NAALADL2: variants seen among roughly 807,000 people sequenced by gnomAD.
The protein encoded by NAALADL2 is N-acetylated alpha-linked acidic dipeptidase like 2.
In NAALADL2, 76 loss-of-function variants were observed where a neutral mutation model predicts 87.2. That is an observed-to-expected ratio of 0.87 (90% CI 0.72 to 1.05). The LOEUF (loss-of-function observed/expected upper bound fraction) is 1.05. Among genes scored for constraint, NAALADL2 ranks in the 50% least tolerant of loss-of-function variants. The probability of loss-of-function intolerance (pLI) is 0.00; values close to 1 mark genes in which losing one functional copy is unlikely to be tolerated. For synonymous variants in NAALADL2, 354 were observed against 331.0 expected (o/e 1.07, Z -0.75); for missense variants, 1,089 against 945.8 (o/e 1.15, Z -1.99).
intron 2 of NAALADL2, among the ~76,000 whole-genome samples, chr3:174,565,943 G>C (rs1338157270): frequency 6.6e-6 from 1 of 151,726 alleles, no homozygotes; most frequent in Non-Finnish European, 1.5e-5. Flanking sequence ...TTTGACTATT[G>C]TTATTTGTCT....
intron 1 of NAALADL2, among the ~76,000 whole-genome samples, chr3:175,027,274 G>T (rs527554280): frequency 6.6e-6 from 1 of 152,158 alleles, no homozygotes; most frequent in African/African-American, 2.4e-5. Context: ...AACTGAAGTT[G>T]CACACCAGTA....
chr3:174,442,523 G>A (rs1423264216), intron 1 of NAALADL2, among the ~76,000 whole-genome samples: 3 of 152,034 alleles, frequency 2.0e-5, no homozygotes, highest in Non-Finnish European at 2.9e-5. Flanking sequence ...CTTTAATGTA[G>A]GACGACTAAC....
chr3:175,271,695 G>T (rs1250414102), intron 4 of NAALADL2, among the ~76,000 whole-genome samples: 1 of 152,196 alleles, frequency 6.6e-6, no homozygotes, highest in African/African-American at 2.4e-5. Context: ...AGGAGGCTGA[G>T]ACAGGGCAAT....
At chr3:175,656,850 G>A (rs1731536974) in intron 11 of NAALADL2, among the ~76,000 whole-genome samples, 1 of 152,086 alleles carries the variant, frequency 6.6e-6, no homozygotes, top group Non-Finnish European at 1.5e-5. Flanking sequence ...GATCAGGCCT[G>A]TAACCTGGCT....
chr3:175,728,363 A>C (rs1001106184), intron 11 of NAALADL2, among the ~76,000 whole-genome samples: 4 of 152,168 alleles, frequency 2.6e-5, no homozygotes, highest in African/African-American at 9.6e-5. Flanking sequence ...TATTTTGTGC[A>C]CTAATTGTGC....
chr3:174,942,200 T>A (rs112338769), intron 1 of NAALADL2, among the ~76,000 whole-genome samples: 14 of 152,316 alleles, frequency 9.2e-5, no homozygotes, highest in African/African-American at 3.1e-4. Context: ...ACTGCTTTTT[T>A]AAGGATCTTT....
chr3:175,597,927 T>C lies in NAALADL2; in HGVS notation c.1800+21740T>C, dbSNP rs546632042. Among the ~76,000 whole-genome samples, 13 of 152,178 alleles carry C rather than the reference T, an allele frequency of 8.5e-5. No individual in the cohort carries two copies. In the South Asian group the frequency reaches 2.7e-3, roughly 32 times the overall value. On this transcript the variant is annotated intron_variant, in intron 10 of 13. Transcript: ENST00000454872. ...TTATGATATTTTCTCTGAAGAGCCATACTCTTAAAGAATATGAACATTATC... is the reference window on the plus strand; with the variant it reads ...TTATGATATTTTCTCTGAAGAGCCACACTCTTAAAGAATATGAACATTATC...
At chr3:175,105,476 A>G (rs1722937821) in intron 2 of NAALADL2, among the ~76,000 whole-genome samples, 1 of 147,062 alleles carries the variant, frequency 6.8e-6, no homozygotes, top group Non-Finnish European at 1.5e-5. Context: ...CATATATATA[A>G]ATGGCTATGT....
intron 5 of NAALADL2, among the ~76,000 whole-genome samples, chr3:175,446,806 T>C (rs1037375864): frequency 5.3e-5 from 8 of 152,180 alleles, no homozygotes; most frequent in African/African-American, 1.9e-4. Context: ...CAAACAGCAT[T>C]CTCAGCTTCC....
chr3:175,461,137 C>A (rs1459681718), intron 6 of NAALADL2, among the ~76,000 whole-genome samples: 1 of 151,826 alleles, frequency 6.6e-6, no homozygotes, highest in Non-Finnish European at 1.5e-5. Context: ...CATTTACAAT[C>A]CTTTAGCTAG....
chr3:175,164,269 A>G (rs1580754341), intron 2 of NAALADL2, among the ~76,000 whole-genome samples: 2 of 151,932 alleles, frequency 1.3e-5, no homozygotes, highest in African/African-American at 4.8e-5. Context: ...GTAAATATGT[A>G]TATATGTGTA....
rs139347428 is a variant in NAALADL2 at position 174,532,649 on chromosome 3, CCT to C, written c.-183-17919_-183-17918del. ...CACTGAAGGAAAATTCGGTTGAGCC[CCT>C]GTTTCACTACCTGATCTATTCTGGA... On this transcript the variant is annotated intron_variant, in intron 1 of 3. Transcript: ENST00000434257. Among the ~76,000 whole-genome samples the C allele has an allele frequency of 3.3e-3, 501 of 152,160 alleles. 2 individuals are homozygous for C. Among genetic ancestry groups the C allele is most frequent in the African/African-American group, 0.011 (459 of 41,508 alleles).
intron 2 of NAALADL2, among the ~76,000 whole-genome samples, chr3:175,108,169 C>G (rs1006205467): frequency 8.3e-6 from 1 of 120,598 alleles, no homozygotes; most frequent in Non-Finnish European, 1.8e-5. Context: ...CCAAATGAGC[C>G]TTATATACAC....
chr3:174,754,437 T>A (rs1300888600), intron 3 of NAALADL2, among the ~76,000 whole-genome samples: 1 of 151,652 alleles, frequency 6.6e-6, no homozygotes, highest in Non-Finnish European at 1.5e-5. Flanking sequence ...GGAAAGTATA[T>A]TTCCACGTAT....
At chr3:175,717,912 A>T (rs1270818923) in intron 11 of NAALADL2, among the ~76,000 whole-genome samples, 1 of 150,008 alleles carries the variant, frequency 6.7e-6, no homozygotes, top group Non-Finnish European at 1.5e-5. Flanking sequence ...CGGGCTCAAG[A>T]GATTCTGTTG....
At chr3:174,460,551 A>G (rs1716150544) in intron 1 of NAALADL2, among the ~76,000 whole-genome samples, 1 of 152,034 alleles carries the variant, frequency 6.6e-6, no homozygotes, top group African/African-American at 2.4e-5. Context: ...TACTACCTAG[A>G]GCAGCAATGT....
chr3:175,181,718 T>TGTGTGTGTGTGTGTATGA, intron 2 of NAALADL2, among the ~76,000 whole-genome samples: 1 of 72,412 alleles, frequency 1.4e-5, no homozygotes, highest in African/African-American at 4.6e-5. Flanking sequence ...TGTGTGTGTG[T>TGTGTGTGTGTGTGTATGA]ATATATATGT....
chr3:175,726,926 C>T (rs1743010641), intron 11 of NAALADL2, among the ~76,000 whole-genome samples: 1 of 152,058 alleles, frequency 6.6e-6, no homozygotes, highest in East Asian at 1.9e-4. Context: ...TCTTCAATGC[C>T]CTCTTCTTCA....
Position 174,812,130 on chromosome 3 carries a change from TAC to T in NAALADL2, c.-9+74388_-9+74389del, listed in dbSNP as rs527481404. On this transcript the variant is annotated intron_variant, in intron 3 of 3. Transcript: ENST00000434257. ...AATTAATCATCTTTTCTTTATAAAT[TAC>T]ACAGTCTCAGTGTTTTTTTTAATAG... Among the ~76,000 whole-genome samples the T allele has an allele frequency of 9.8e-5, 15 of 152,286 alleles. No homozygotes were observed. The East Asian group carries it at 2.7e-3, about 27-fold the overall frequency.
Sources: allele counts gnomAD v4.1 joint callset (sites outside exome capture counted in the v4.1 genomes callset), GRCh38; gene constraint gnomAD v4.1.1; transcripts MANE v1.5; gene names NCBI Gene and HGNC (gene_info 2026-07-23, HGNC 2026-07-21).